Variants in DRG1 observed in about 807,000 individuals in gnomAD.
The protein encoded by DRG1 is developmentally regulated GTP binding protein 1.
In DRG1, 19 loss-of-function variants were observed where a neutral mutation model predicts 38.8. The ratio of observed to expected loss-of-function variants is 0.49; its 90% CI spans 0.34 to 0.72. The LOEUF (loss-of-function observed/expected upper bound fraction) is 0.72. DRG1 is among the 30% of genes least tolerant of loss of function. DRG1 has a pLI of 0.01. For missense variants in DRG1, 299 were observed against 444.8 expected (o/e 0.67, Z 2.95); for synonymous variants, 167 against 157.5 (o/e 1.06, Z -0.45).
chr22:31,427,220 T>C (rs1353588566), intron 8 of DRG1, 38 bp downstream of exon 8: 1 of 1,604,586 alleles, frequency 6.2e-7, no homozygotes, highest in Non-Finnish European at 8.5e-7. Flanking sequence ...CTTTTTCCTA[T>C]GAGTTACCAA....
intron 6 of DRG1, 99 bp downstream of exon 6, chr22:31,423,509 A>G: frequency 8.6e-7 from 1 of 1,166,390 alleles, no homozygotes; most frequent in Non-Finnish European, 1.2e-6. Context: ...TCTTAATTCC[A>G]GTTGTCCTAC....
chr22:31,405,501 C>T (rs771100424), intron 3 of DRG1, among the ~76,000 whole-genome samples: 6 of 151,806 alleles, frequency 4.0e-5, no homozygotes, highest in Non-Finnish European at 5.9e-5. Context: ...GTTCAGCTGC[C>T]ACAGTTAGAA....
At chr22:31,411,230 C>G in intron 4 of DRG1, 149 bp downstream of exon 4, 1 of 774,976 alleles carries the variant, frequency 1.3e-6, no homozygotes, top group Non-Finnish European at 2.1e-6. Flanking sequence ...TTGAAGGGAC[C>G]TCAGCTGCAA....
At chr22:31,421,381 C>T (rs1291655955) in intron 5 of DRG1, 1 of 150,626 alleles carries the variant, frequency 6.6e-6, no homozygotes, top group African/African-American at 2.5e-5. Flanking sequence ...TTCGGTCTCC[C>T]AAAGTGTTGG....
intron 4 of DRG1, among the ~76,000 whole-genome samples, chr22:31,413,859 C>T (rs1055295590): frequency 1.3e-5 from 2 of 152,100 alleles, no homozygotes; most frequent in Non-Finnish European, 2.9e-5. Flanking sequence ...GGTGATCCAC[C>T]CACCTTGGCC....
At chr22:31,403,457 C>T (rs535278011) in intron 3 of DRG1, among the ~76,000 whole-genome samples, 1 of 151,830 alleles carries the variant, frequency 6.6e-6, no homozygotes, top group South Asian at 2.1e-4. Context: ...CACCTGAGGT[C>T]GGGAGTTCGA....
chr22:31,433,757 G>T, intron 8 of DRG1, 115 bp from the exon 9 acceptor site: 1 of 823,818 alleles, frequency 1.2e-6, no homozygotes, highest in Non-Finnish European at 1.9e-6. Context: ...GCTTTTGTAG[G>T]TCTATGGTTC....
intron 3 of DRG1, among the ~76,000 whole-genome samples, chr22:31,409,005 A>G (rs996892451): frequency 2.6e-5 from 4 of 152,120 alleles, no homozygotes; most frequent in African/African-American, 7.2e-5. Flanking sequence ...CATTAGGTAC[A>G]CTGAGTTCTG....
intron 3 of DRG1, among the ~76,000 whole-genome samples, chr22:31,405,999 C>CT (rs2049988396): frequency 6.8e-6 from 1 of 146,120 alleles, no homozygotes; most frequent in African/African-American, 2.5e-5. Flanking sequence ...TTTCTTTTTT[C>CT]TTTTTTCTTT....
Position 31,423,673 on chromosome 22 carries a change from C to T in DRG1, c.713+263C>T, listed in dbSNP as rs571407968. Among the ~76,000 whole-genome samples, 637 of 151,026 alleles carry T rather than the reference C, an allele frequency of 4.2e-3. 3 individuals are homozygous for T. The highest frequency in any genetic ancestry group is 0.014 in the African/African-American group (595 of 41,134). On this transcript the variant is annotated intron_variant, in intron 6 of 8. Transcript: ENST00000331457. ...TCCCGAGTAGCTAGGATTACAGGTG[C>T]GCACCACCACGCCCAGCTAATTTTT...
At chr22:31,427,209 C>T (rs1359733725) in intron 8 of DRG1, 27 bp downstream of exon 8, 7 of 1,609,636 alleles carry the variant, frequency 4.3e-6, no homozygotes, top group Non-Finnish European at 5.9e-6. Flanking sequence ...TGTGGTCCCT[C>T]CTTTTTCCTA....
At chr22:31,421,205 T>G (rs566751128) in intron 5 of DRG1, 3 of 152,164 alleles carry the variant, frequency 2.0e-5, no homozygotes, top group East Asian at 3.9e-4. Context: ...CTCAAAACTC[T>G]TGGGCTCAAG....
chr22:31,420,408 A>G lies in DRG1; in HGVS notation c.565A>G (p.Ile189Val), dbSNP rs1015888357. The G allele has an allele frequency of 6.2e-7, 1 of 1,614,216 alleles. No individual in the cohort carries two copies. Among genetic ancestry groups the G allele is most frequent in the East Asian group, 2.2e-5 (1 of 44,892 alleles). ...IGFKKKDKGG[I>V]NLTATCPQSE... is the part of the protein sequence containing the mutation. The stretch of plus-strand genomic sequence containing the variant: ...CTTTAAGAAGAAGGACAAGGGAGGC[A>G]TTAATCTCACAGCCACTGTAAGTGG... The change falls in exon 5 of 9, where the codon ATT (isoleucine) becomes GTT (valine). Residue 189 changes from isoleucine to valine, a missense_variant. Physicochemically the swap from Ile to Val is conservative, Grantham distance 29. Around this residue, in one of 3 missense-constraint regions of DRG1, gnomAD observed 198 missense variants for 268.1 expected, o/e 0.74. Coordinates refer to ENST00000331457, the MANE Select transcript of DRG1 (RefSeq NM_004147.4).
Position 31,403,082 on chromosome 22 carries a change from T to C in DRG1, c.220T>C (p.Ser74Pro). 6.2e-7 allele frequency: 1 copy of C among 1,613,916 alleles called. No homozygotes were observed. The highest frequency in any genetic ancestry group is 8.5e-7 in the Non-Finnish European group (1 of 1,180,004). ...TCGAATTGGATTTGTTGGTTTTCCATCTGTGGGGAAGTCAACACTGCTTAG... is the reference window on the plus strand; with the variant it reads ...TCGAATTGGATTTGTTGGTTTTCCACCTGTGGGGAAGTCAACACTGCTTAG... ...DARIGFVGFP[S>P]VGKSTLLSNL... Residue 74 changes from serine to proline, a missense_variant, in exon 3 of 9, where the codon TCT (serine) becomes CCT (proline). Ser to Pro is a moderately conservative substitution (Grantham distance 74). Transcript: ENST00000331457.
At chr22:31,403,632 A>ACCACCAT (rs2049974763) in intron 3 of DRG1, among the ~76,000 whole-genome samples, 1 of 152,088 alleles carries the variant, frequency 6.6e-6, no homozygotes, top group South Asian at 2.1e-4. Flanking sequence ...ACAGGTGAGC[A>ACCACCAT]CCACCATGCC....
At chr22:31,424,100 G>A (rs926308772) in intron 6 of DRG1, among the ~76,000 whole-genome samples, 1 of 151,862 alleles carries the variant, frequency 6.6e-6, no homozygotes, top group Middle Eastern at 3.4e-3. Context: ...CTGACCTCAG[G>A]TGATCCACCC....
chr22:31,405,681 G>C (rs1381286283), intron 3 of DRG1, among the ~76,000 whole-genome samples: 1 of 148,548 alleles, frequency 6.7e-6, no homozygotes, highest in Non-Finnish European at 1.5e-5. Flanking sequence ...GTGTGTGTGT[G>C]GGGGGGTTTA....
intron 8 of DRG1, 60 bp from the exon 9 acceptor site, chr22:31,433,812 C>G: frequency 1.3e-6 from 2 of 1,508,156 alleles, no homozygotes; most frequent in African/African-American, 2.7e-5. Context: ...GGCATCCAGG[C>G]AAATAGGGCA....
intron 5 of DRG1, among the ~76,000 whole-genome samples, 179 bp from the exon 6 acceptor site, chr22:31,423,101 C>T (rs927500312): frequency 1.3e-5 from 2 of 152,186 alleles, no homozygotes; most frequent in African/African-American, 4.8e-5. Context: ...CAGCGTGTAA[C>T]ACCTTCCTTG....
Sources: gnomAD v4.1 joint callset for allele counts (sites outside exome capture counted in the v4.1 genomes callset) on GRCh38, gnomAD v4.1.1 for gene constraint, gnomAD v4.1.1 regional missense constraint, MANE v1.5 for transcripts, NCBI Gene and HGNC (gene_info 2026-07-23, HGNC 2026-07-21) for gene names.